TUT7: variants seen among roughly 807,000 people sequenced by gnomAD.
The protein encoded by TUT7 is terminal uridylyltransferase 7.
TUT7 carries 33 observed loss-of-function variants against 165.9 expected under a neutral mutation model. The ratio of observed to expected loss-of-function variants is 0.20; its 90% confidence interval spans 0.15 to 0.27. TUT7 has a LOEUF of 0.27. TUT7 is among the 10% of genes least tolerant of loss of function. The pLI is 1.00. For synonymous variants in TUT7, 552 were observed against 608.1 expected (o/e 0.91, Z 1.36); for missense variants, 1,338 against 1,762.3 (o/e 0.76, Z 4.31).
chr9:86,346,425 T>G lies in TUT7; in HGVS notation c.576A>C (p.Glu192Asp), dbSNP rs780921499. 6.2e-7 allele frequency: 1 copy of G among 1,614,108 alleles called. No homozygotes were observed. Among genetic ancestry groups the G allele is most frequent in the Admixed American group, 1.7e-5 (1 of 60,018 alleles). The part of the protein sequence containing the change: ...PRKPRKTRNE[E>D]NEQDGDLEGP... Reference sequence around the variant, plus strand: ...CTTCCAAGTCTCCATCCTGCTCATTTTCCTCATTTCTAGTCTTCCGTGGCT... The same window carrying G: ...CTTCCAAGTCTCCATCCTGCTCATTGTCCTCATTTCTAGTCTTCCGTGGCT... Residue 192 changes from glutamate to aspartate, a missense_variant, in exon 3 of 27, where the codon GAA becomes GAC. Physicochemically the swap from Glu to Asp is conservative, Grantham distance 45. Around this residue, in one of 7 missense-constraint regions of TUT7, gnomAD observed 434 missense variants for 480.8 expected, o/e 0.90. Transcript: ENST00000375963.
intron 19 of TUT7, 67 bp downstream of exon 19, chr9:86,309,861 A>G: frequency 7.0e-7 from 1 of 1,425,500 alleles, no homozygotes; most frequent in South Asian, 1.2e-5. Context: ...AAATAGATTT[A>G]TGTTTTCAAC....
chr9:86,343,983 A>C (rs915800170), intron 5 of TUT7, among the ~76,000 whole-genome samples: 1 of 152,168 alleles, frequency 6.6e-6, no homozygotes, highest in African/African-American at 2.4e-5. Flanking sequence ...TTTACATGAA[A>C]TTTTACAGTA....
At chr9:86,316,579 T>A (rs1828739959) in intron 17 of TUT7, among the ~76,000 whole-genome samples, 1 of 152,242 alleles carries the variant, frequency 6.6e-6, no homozygotes, top group Non-Finnish European at 1.5e-5. Context: ...CACTTTGACT[T>A]ATACAACGCC....
chr9:86,310,387 T>G (rs924480774), intron 18 of TUT7, among the ~76,000 whole-genome samples: 2 of 152,154 alleles, frequency 1.3e-5, no homozygotes, highest in African/African-American at 4.8e-5. Context: ...CCTCATGGCT[T>G]TTATACGTCC....
At chr9:86,302,268 A>C (rs1214169252) in intron 25 of TUT7, among the ~76,000 whole-genome samples, 1 of 152,164 alleles carries the variant, frequency 6.6e-6, no homozygotes, top group Non-Finnish European at 1.5e-5. Flanking sequence ...CCACCAGAAG[A>C]AAGCATGGGG....
chr9:86,328,205 G>C (rs1446170724), intron 11 of TUT7, 135 bp downstream of exon 11: 7 of 736,946 alleles, frequency 9.5e-6, no homozygotes, highest in Non-Finnish European at 1.2e-5. Flanking sequence ...TTGTCTGTTC[G>C]AGGTACTAAA....
chr9:86,301,627 A>G, intron 25 of TUT7, 26 bp from the exon 26 acceptor site: 1 of 1,578,628 alleles, frequency 6.3e-7, no homozygotes, highest in African/African-American at 1.4e-5. Flanking sequence ...TATTAGTAGC[A>G]AAAATCTAAA....
At chr9:86,298,832 T>TA (rs1346408250) in intron 26 of TUT7, 9 of 984,142 alleles carry the variant, frequency 9.1e-6, no homozygotes, top group Non-Finnish European at 1.1e-5. Flanking sequence ...AAGCACTGCC[T>TA]AAAAAATGAA....
chr9:86,315,578 T>C (rs1019919056), intron 17 of TUT7, among the ~76,000 whole-genome samples: 4 of 152,226 alleles, frequency 2.6e-5, no homozygotes, highest in African/African-American at 9.6e-5. Flanking sequence ...AGTTAAAATC[T>C]AGCTCAGTAC....
At chr9:86,295,533 T>A (rs189159216) in intron 26 of TUT7, among the ~76,000 whole-genome samples, 2 of 152,244 alleles carry the variant, frequency 1.3e-5, no homozygotes, top group East Asian at 3.9e-4. Context: ...CATGATTAAA[T>A]AAACAATGGT....
chr9:86,316,922 A>G (rs776516410), intron 17 of TUT7, among the ~76,000 whole-genome samples: 18 of 152,236 alleles, frequency 1.2e-4, no homozygotes, highest in Non-Finnish European at 2.1e-4. Context: ...AAAAAAATAC[A>G]AATAAAAAAT....
intron 2 of TUT7, among the ~76,000 whole-genome samples, 181 bp from the exon 3 acceptor site, chr9:86,346,661 C>T (rs1014601912): frequency 2.0e-5 from 3 of 152,180 alleles, no homozygotes; most frequent in African/African-American, 7.2e-5. Context: ...GAGCACATCA[C>T]CTGTAGACAT....
chr9:86,315,651 A>G (rs1452055599), intron 17 of TUT7, among the ~76,000 whole-genome samples: 1 of 152,184 alleles, frequency 6.6e-6, no homozygotes, highest in African/African-American at 2.4e-5. Flanking sequence ...TCAAAACAAA[A>G]CAAAACAAAA....
intron 7 of TUT7, 78 bp from the exon 8 acceptor site, chr9:86,340,183 AC>A: frequency 8.3e-7 from 1 of 1,205,038 alleles, no homozygotes; most frequent in Non-Finnish European, 1.2e-6. Flanking sequence ...AAGTACAAGT[AC>A]CAGTTGTCCC....
At chr9:86,307,606 T>C (rs979189624) in intron 22 of TUT7, among the ~76,000 whole-genome samples, 1 of 152,240 alleles carries the variant, frequency 6.6e-6, no homozygotes, top group Admixed American at 6.5e-5. Flanking sequence ...AGCATTTAAA[T>C]TCCATTTTGT....
In TUT7 at chr9:86,311,577, C is replaced by A. The variant is rs1266425121; in HGVS notation, c.3275-768G>T. 7.3e-6 allele frequency among the ~76,000 whole-genome samples: 1 copy of A among 136,830 alleles called. No homozygotes were observed. The highest frequency in any genetic ancestry group is 1.6e-5 in the Non-Finnish European group (1 of 62,648). 89.8% of individuals were successfully genotyped at this position (136,830 alleles called of 152,430 possible). A position where few individuals can be genotyped will look rare whatever the true frequency, so the allele number is the denominator to read the frequency against. ...AATTATCCTTAGTCCTCTCCCTCTC[C>A]CTCTCCCCTCTTCCCTCTCCCCTCT... On this transcript the variant is annotated intron_variant, in intron 17 of 26. Transcript: ENST00000375963. The surrounding 1 kb of genome is among the most constrained non-coding windows in gnomAD (Gnocchi z 4.4).
chr9:86,336,623 T>G (rs766608390), intron 10 of TUT7, among the ~76,000 whole-genome samples: 1 of 152,174 alleles, frequency 6.6e-6, no homozygotes, highest in Admixed American at 6.5e-5. Context: ...GAGAAACTTG[T>G]GTGCATTAAG....
chr9:86,341,317 G>A (rs1278718084), intron 6 of TUT7, among the ~76,000 whole-genome samples: 1 of 152,172 alleles, frequency 6.6e-6, no homozygotes, highest in Non-Finnish European at 1.5e-5. Context: ...CTGCCTCTCA[G>A]CAAGTCTCAA....
rs762102469 is a variant in TUT7 at position 86,322,984 on chromosome 9, T to A, written c.2766A>T (p.Glu922Asp). The A allele has an allele frequency of 6.2e-7, 1 of 1,614,106 alleles. No homozygotes were observed. Among genetic ancestry groups the A allele is most frequent in the Admixed American group, 1.7e-5 (1 of 60,014 alleles). Residue 922 changes from glutamate (E) to aspartate (D), a missense_variant, in exon 13 of 27, where the codon GAA becomes GAT. Physicochemically the swap from Glu to Asp is conservative, Grantham distance 45 (BLOSUM62 2). This residue lies in a region of TUT7 where 425 missense variants were observed against 474.9 expected (regional missense o/e 0.89). Transcript: ENST00000375963. The stretch of plus-strand genomic sequence containing the variant: ...CTTCCTTGAGACTTATTTTATTAAG[T>A]TCCACTAGGAGAGCTCTTTCTACAT... ...GKHVERALLV[E>D]LNKISLKEEN...
Sources: gnomAD v4.1 joint callset for allele counts (sites outside exome capture counted in the v4.1 genomes callset) on GRCh38, gnomAD v4.1.1 for gene constraint, gnomAD v4.1.1 regional missense constraint, Gnocchi (gnomAD v3.1) non-coding constraint, MANE v1.5 for transcripts, NCBI Gene and HGNC (gene_info 2026-07-23, HGNC 2026-07-21) for gene names.